HTATIP2: variants seen among roughly 807,000 people sequenced by gnomAD.
The protein encoded by HTATIP2 is HIV-1 Tat interactive protein 2.
Under a neutral mutation model 24.7 loss-of-function variants are expected in HTATIP2, and 26 were observed. The observed-to-expected ratio is 1.05, with a 90% CI of 0.77 to 1.46. The LOEUF is 1.46. Ranked by LOEUF, HTATIP2 falls within the 40% of genes most tolerant of loss-of-function variation. HTATIP2 has a pLI of 0.00. For synonymous variants in HTATIP2, 99 were observed against 113.2 expected (o/e 0.87, Z 0.79); for missense variants, 284 against 289.6 (o/e 0.98, Z 0.14).
intron 2 of HTATIP2, among the ~76,000 whole-genome samples, chr11:20,373,103 A>G (rs1478665331): frequency 6.6e-6 from 1 of 152,202 alleles, no homozygotes; most frequent in Non-Finnish European, 1.5e-5. Flanking sequence ...ATAAAACAAT[A>G]TTTAGCTTTG....
intron 2 of HTATIP2, among the ~76,000 whole-genome samples, chr11:20,369,372 C>T (rs2064746828): frequency 6.6e-6 from 1 of 152,204 alleles, no homozygotes; most frequent in Admixed American, 6.5e-5. Context: ...GTGTTTCCAG[C>T]AGAGAAACTT....
rs1399845699 is a variant in HTATIP2, at chr11:20,382,657, G to C, written c.504-323G>C. Among the ~76,000 whole-genome samples, 4 of 152,154 alleles carry C rather than the reference G, an allele frequency of 2.6e-5. No homozygotes were observed. In the East Asian group the frequency reaches 7.7e-4, roughly 29 times the overall value. On this transcript the variant is annotated intron_variant, in intron 4 of 4. Coordinates refer to ENST00000451739, the MANE Select transcript of HTATIP2 (RefSeq NM_001098522.2). ...GTGTCCGGTGAGGCCTCTTTTCCTG[G>C]CTGGCAGACAGACCACCTTCTGGCA...
intron 2 of HTATIP2, chr11:20,367,542 C>T (rs1157035523): frequency 2.1e-6 from 3 of 1,427,098 alleles, no homozygotes; most frequent in Non-Finnish European, 2.7e-6. Context: ...TTGTGATTAT[C>T]GCTATCACTA....
chr11:20,369,951 G>A (rs767955720), intron 2 of HTATIP2, among the ~76,000 whole-genome samples: 14 of 152,302 alleles, frequency 9.2e-5, no homozygotes, highest in Non-Finnish European at 1.8e-4. Flanking sequence ...TTTAACAGTA[G>A]CTGGGCAGAT....
In HTATIP2 at chr11:20,367,192, T is replaced by G; in HGVS notation, c.214T>G (p.Phe72Val). Reference protein sequence around the residue: ...YKNVNQEVVDFEKLDDYASAF... With the variant: ...YKNVNQEVVDVEKLDDYASAF... ...TGCCTAGAATCAAGAAGTGGTGGAC[T>G]TTGAAAAGTTGGATGACTACGCCTC... The change falls in exon 2 of 5, where the codon TTT becomes GTT. Residue 72 changes from phenylalanine (F) to valine (V), a missense_variant. By Grantham distance (50) the Phe-to-Val change is conservative. Transcript: ENST00000451739. 6.2e-7 allele frequency: 1 copy of G among 1,614,092 alleles called. No homozygotes were observed. Among genetic ancestry groups the G allele is most frequent in the South Asian group, 1.1e-5 (1 of 91,012 alleles).
At chr11:20,374,869 A>G (rs1848419524) in intron 2 of HTATIP2, among the ~76,000 whole-genome samples, 1 of 152,142 alleles carries the variant, frequency 6.6e-6, no homozygotes. Flanking sequence ...AGCATGATTC[A>G]TCTTGCTTCT....
chr11:20,375,290 G>GC (rs1848428994), intron 2 of HTATIP2, among the ~76,000 whole-genome samples: 1 of 152,072 alleles, frequency 6.6e-6, no homozygotes, highest in Non-Finnish European at 1.5e-5. Context: ...AAAAAAATCA[G>GC]GCCGGGCGCG....
intron 3 of HTATIP2, among the ~76,000 whole-genome samples, chr11:20,381,637 C>T (rs1261225672): frequency 6.6e-6 from 1 of 152,064 alleles, no homozygotes; most frequent in Admixed American, 6.6e-5. Context: ...GGGCTGAGCT[C>T]CTCAGGCATT....
At chr11:20,370,875 T>TC (rs1233226053) in intron 2 of HTATIP2, among the ~76,000 whole-genome samples, 2 of 152,190 alleles carry the variant, frequency 1.3e-5, no homozygotes, top group Admixed American at 1.3e-4. Flanking sequence ...GGTCTCGATC[T>TC]CCTGACCTCG....
At chr11:20,377,823 G>A (rs545288014) in intron 3 of HTATIP2, among the ~76,000 whole-genome samples, 3 of 152,144 alleles carry the variant, frequency 2.0e-5, no homozygotes, top group Non-Finnish European at 2.9e-5. Context: ...ACAAAAATAC[G>A]TCCAGTCTTT....
intron 2 of HTATIP2, among the ~76,000 whole-genome samples, chr11:20,374,870 T>A (rs1324838708): frequency 6.6e-6 from 1 of 152,210 alleles, no homozygotes; most frequent in Admixed American, 6.5e-5. Context: ...GCATGATTCA[T>A]CTTGCTTCTG....
At chr11:20,381,830 A>G (rs1848525856) in intron 3 of HTATIP2, among the ~76,000 whole-genome samples, 1 of 152,228 alleles carries the variant, frequency 6.6e-6, no homozygotes, top group African/African-American at 2.4e-5. Flanking sequence ...AGTGTCTGCT[A>G]GCATGCAACA....
At chr11:20,381,681 GCTTT>G (rs925790631) in intron 3 of HTATIP2, among the ~76,000 whole-genome samples, 1 of 151,974 alleles carries the variant, frequency 6.6e-6, no homozygotes, top group Non-Finnish European at 1.5e-5. Context: ...GAAAATGCAT[GCTTT>G]ATTTAACAAA....
At position 20,376,623 on chromosome 11, in the gene HTATIP2, C is replaced by A; in HGVS notation, c.347C>A (p.Ala116Glu). Residue 116 changes from alanine (A) to glutamate (E), a missense_variant, in exon 3 of 5, where the codon GCA becomes GAA. Ala to Glu is a moderately radical substitution (Grantham distance 107). Transcript: ENST00000451739. ...GACCGAGATTATGTGCTGAAGTCTG[C>A]AGAGCTGGCAAAAGCTGGAGGGTGC... is the stretch of plus-strand genomic sequence containing the variant. ...RVDRDYVLKS[A>E]ELAKAGGCKH... 6.2e-7 allele frequency: 1 copy of A among 1,613,944 alleles called. No individual in the cohort carries two copies. The highest frequency in any genetic ancestry group is 1.1e-5 in the South Asian group (1 of 91,064).
At chr11:20,369,874 T>C (rs750664754) in intron 2 of HTATIP2, among the ~76,000 whole-genome samples, 1 of 152,178 alleles carries the variant, frequency 6.6e-6, no homozygotes, top group Non-Finnish European at 1.5e-5. Context: ...TCTACTCAGG[T>C]TTCTATTGAC....
intron 3 of HTATIP2, among the ~76,000 whole-genome samples, chr11:20,378,058 T>C (rs1848470296): frequency 1.3e-5 from 2 of 152,158 alleles, no homozygotes; most frequent in African/African-American, 4.8e-5. Context: ...TTTAAAAAAA[T>C]AGGATATAAG....
rs764866854 is a variant in HTATIP2, at chr11:20,382,181, G to C, written c.445G>C (p.Glu149Gln). 6.3e-7 allele frequency: 1 copy of C among 1,579,798 alleles called. No homozygotes were observed. The change falls in exon 4 of 5, where the codon GAA becomes CAA. Residue 149 changes from glutamate to glutamine, a missense_variant. Transcript: ENST00000451739. ...AAAATGTGTTTTTTCTTAATAGGGA[G>C]AAGTAGAAGCCAAGGTTGAAGAATT... ...SNFLYLQVKGEVEAKVEELKF... is the reference protein window; with the variant it reads ...SNFLYLQVKGQVEAKVEELKF...
intron 1 of HTATIP2, among the ~76,000 whole-genome samples, chr11:20,365,204 G>A (rs919389007): frequency 1.3e-5 from 2 of 152,062 alleles, no homozygotes; most frequent in South Asian, 4.1e-4. Flanking sequence ...GGCCAGGCTG[G>A]TCTCGAACTC....
intron 3 of HTATIP2, 91 bp downstream of exon 3, chr11:20,376,808 C>A: frequency 3.3e-6 from 3 of 914,142 alleles, no homozygotes; most frequent in Non-Finnish European, 3.2e-6. Context: ...AATACAAAAA[C>A]CATCAAATGC....
Sources: allele counts gnomAD v4.1 joint callset (sites outside exome capture counted in the v4.1 genomes callset), GRCh38; gene constraint gnomAD v4.1.1; transcripts MANE v1.5; gene names NCBI Gene and HGNC (gene_info 2026-07-23, HGNC 2026-07-21).